Variants in PDS5B observed in about 807,000 individuals in gnomAD.
The protein encoded by PDS5B is PDS5 cohesin associated factor B, also known as sister chromatid cohesion protein PDS5 homolog B.
A neutral mutation model predicts 184.1 loss-of-function variants in PDS5B; 51 were observed. That is an observed-to-expected ratio of 0.28 (90% CI 0.22 to 0.35). The LOEUF (loss-of-function observed/expected upper bound fraction) is 0.35, where lower values mean the gene tolerates loss of function less well. PDS5B is among the 10% of genes least tolerant of loss of function. The pLI is 1.00. For synonymous variants in PDS5B, 566 were observed against 569.2 expected, an observed-to-expected ratio of 0.99 and a Z score of 0.08; for missense variants, 1,180 against 1,723.3, an observed-to-expected ratio of 0.68 and a Z score of 5.58.
chr13:32,672,469 G>A (rs1950963071), intron 7 of PDS5B, among the ~76,000 whole-genome samples: 1 of 152,098 alleles, frequency 6.6e-6, no homozygotes, highest in South Asian at 2.1e-4. Context: ...TGTATGAGAG[G>A]GAATTTATTA....
At chr13:32,679,958 A>G (rs1951192283) in intron 10 of PDS5B, among the ~76,000 whole-genome samples, 1 of 143,472 alleles carries the variant, frequency 7.0e-6, no homozygotes, top group Non-Finnish European at 1.5e-5. Context: ...TTTTCTCTGG[A>G]TGTTCCTTTT....
chr13:32,742,851 A>G (rs1053927699), intron 23 of PDS5B, 124 bp downstream of exon 23: 2 of 841,108 alleles, frequency 2.4e-6, no homozygotes, highest in Non-Finnish European at 3.7e-6. Context: ...ACATGTGCAT[A>G]TATTTTTACT....
chr13:32,717,397 C>A (rs1952492726), intron 19 of PDS5B, among the ~76,000 whole-genome samples: 1 of 148,266 alleles, frequency 6.7e-6, no homozygotes, highest in East Asian at 2.0e-4. Flanking sequence ...TTACCCCCAA[C>A]CCTGTGCTCT....
intron 11 of PDS5B, among the ~76,000 whole-genome samples, chr13:32,685,715 G>A (rs1951366764): frequency 6.6e-6 from 1 of 152,048 alleles, no homozygotes; most frequent in Non-Finnish European, 1.5e-5. Flanking sequence ...GTGCCATCAC[G>A]GCTCATTGCA....
At position 32,775,004 on chromosome 13, in the gene PDS5B, C is replaced by CT. The variant is rs1566437986; in HGVS notation, c.4309-10dup. ...CCCATTTTAATTAAGCATCTGGTGA[C>CT]TTTCCTTTTAAGGTACGGCGGCGAA... On this transcript the variant is annotated splice_polypyrimidine_tract_variant and intron_variant, in intron 34 of 34. Transcript: ENST00000315596. 6.2e-7 allele frequency: 1 copy of CT among 1,610,238 alleles called. No individual in the cohort carries two copies. Among genetic ancestry groups the CT allele is most frequent in the Non-Finnish European group, 8.5e-7 (1 of 1,177,558 alleles).
intron 9 of PDS5B, 122 bp downstream of exon 9, chr13:32,676,081 T>G: frequency 1.7e-6 from 1 of 573,362 alleles, no homozygotes; most frequent in Admixed American, 3.1e-5. Flanking sequence ...ATTTTTTATG[T>G]TGAAAGTTTT....
chr13:32,706,920 T>G lies in PDS5B; in HGVS notation c.1857-14T>G, dbSNP rs1187513876. On this transcript the variant is annotated splice_polypyrimidine_tract_variant and intron_variant, in intron 17 of 34. Transcript: ENST00000315596. ...GTAACATTTGAAAAAATGACTTTTT[T>G]GGTCATATTTTAGTGCTCTTATTAA... 2.6e-6 allele frequency: 4 copies of G among 1,539,100 alleles called. No homozygotes were observed. In the East Asian group the frequency reaches 9.0e-5, roughly 35 times the overall value.
At chr13:32,734,394 A>T (rs1197332967) in intron 20 of PDS5B, among the ~76,000 whole-genome samples, 1 of 152,146 alleles carries the variant, frequency 6.6e-6, no homozygotes, top group East Asian at 1.9e-4. Context: ...TCATTCTTTT[A>T]TCATGGTAAA....
chr13:32,684,120 A>T (rs1951322565), intron 11 of PDS5B, 97 bp downstream of exon 11: 2 of 547,448 alleles, frequency 3.7e-6, no homozygotes. Context: ...ATTTAAATAT[A>T]ATTAGCCTTT....
rs1438402855 is a variant in PDS5B at position 32,628,983 on chromosome 13, A to T, written c.-19-19771A>T. On this transcript the variant is annotated intron_variant, in intron 1 of 34. Coordinates refer to ENST00000315596, the MANE Select transcript of PDS5B (RefSeq NM_015032.4). ...ATTGCTGGGTTGAAGGGAATGTGTC[A>T]TTAAAATTTAATAGGTATTAACACA... Among the ~76,000 whole-genome samples the T allele has an allele frequency of 1.3e-4, 20 of 152,234 alleles. 1 individual carries two copies. The highest frequency in any genetic ancestry group is 1.2e-3 in the Admixed American group (19 of 15,288).
chr13:32,764,062 C>T lies in PDS5B; in HGVS notation c.3519-427C>T, dbSNP rs1001236832. Among the ~76,000 whole-genome samples, 6 of 151,630 alleles carry T rather than the reference C, an allele frequency of 4.0e-5. No individual in the cohort carries two copies. The East Asian group carries it at 5.8e-4, about 15-fold the overall frequency. ...CACAAGATTCATGCTTATATTCTAA[C>T]GGGAAGGCAGTCAGTACGTAATAAA... On this transcript the variant is annotated intron_variant, in intron 30 of 34. Coordinates refer to ENST00000315596, the MANE Select transcript of PDS5B (RefSeq NM_015032.4).
chr13:32,701,572 C>G, intron 17 of PDS5B, 134 bp downstream of exon 17: 1 of 535,842 alleles, frequency 1.9e-6, no homozygotes. Flanking sequence ...ATATACTCCT[C>G]TGCATATACC....
At chr13:32,590,810 G>A (rs2057762371) in intron 1 of PDS5B, among the ~76,000 whole-genome samples, 1 of 152,102 alleles carries the variant, frequency 6.6e-6, no homozygotes, top group Admixed American at 6.5e-5. Flanking sequence ...GCTTTGGGTT[G>A]GGTGTGGGGG....
At position 32,777,041 on chromosome 13, in the gene PDS5B, T is replaced by C. The variant is rs910309478; in HGVS notation, c.*1989T>C. On this transcript the variant is annotated 3_prime_UTR_variant, in exon 35 of 35. Transcript: ENST00000315596. ...GTTTCAGCAGTACAAAGGCATGTTT[T>C]AAAATCTATAACATAAAGAATAAGG... 6.6e-6 allele frequency: 1 copy of C among 152,264 alleles called. No individual in the cohort carries two copies. The highest frequency in any genetic ancestry group is 1.9e-4 in the East Asian group (1 of 5,204). The allele number at this position is 152,264 out of a possible 1,614,324, so 9.4% of individuals were successfully genotyped here.
At chr13:32,611,173 T>G (rs1209755852) in intron 1 of PDS5B, among the ~76,000 whole-genome samples, 1 of 152,218 alleles carries the variant, frequency 6.6e-6, no homozygotes, top group African/African-American at 2.4e-5. Flanking sequence ...TTCTGCATAG[T>G]CATTCATTTC....
intron 3 of PDS5B, among the ~76,000 whole-genome samples, chr13:32,655,375 T>TATATATATATATATATATATATATA (rs1555296358): frequency 6.7e-4 from 34 of 50,810 alleles, no homozygotes; most frequent in East Asian, 1.4e-3. Context: ...TATATATATA[T>TATATATATATATATATATATATATA]TTTTTTTTTT....
At chr13:32,750,070 G>A (rs184336111) in intron 24 of PDS5B, among the ~76,000 whole-genome samples, 8 of 151,944 alleles carry the variant, frequency 5.3e-5, no homozygotes, top group Middle Eastern at 3.4e-3. Flanking sequence ...TTATTCACAT[G>A]ATTCTCTTGA....
chr13:32,697,698 C>T (rs995906499), intron 15 of PDS5B, among the ~76,000 whole-genome samples: 1 of 152,092 alleles, frequency 6.6e-6, no homozygotes, highest in Non-Finnish European at 1.5e-5. Flanking sequence ...TTGTGCTAGT[C>T]CTTTTACAAA....
intron 9 of PDS5B, among the ~76,000 whole-genome samples, chr13:32,676,940 A>AAAAAAAAAAAAAAAAAAAC (rs1951084104): frequency 6.6e-6 from 1 of 151,090 alleles, no homozygotes; most frequent in African/African-American, 2.4e-5. Flanking sequence ...TCCAAAAAAA[A>AAAAAAAAAAAAAAAAAAAC]AAAAAAAAAA....
Sources: allele counts gnomAD v4.1 joint callset (sites outside exome capture counted in the v4.1 genomes callset), GRCh38; gene constraint gnomAD v4.1.1; transcripts MANE v1.5; gene names NCBI Gene and HGNC (gene_info 2026-07-23, HGNC 2026-07-21).